Variants in NAA11 observed in about 807,000 individuals in gnomAD.
NAA11 encodes N-alpha-acetyltransferase 11.
NAA11 carries 15 observed loss-of-function variants against 16.1 expected under a neutral mutation model. The ratio of observed to expected loss-of-function variants is 0.93; its 90% CI spans 0.62 to 1.44. The LOEUF is 1.44. NAA11 is among the 40% of genes most tolerant of loss of function. The probability of loss-of-function intolerance (pLI) is 0.00; values close to 1 mark genes in which losing one functional copy is unlikely to be tolerated. For synonymous variants in NAA11, 122 were observed against 112.4 expected (o/e 1.09, Z -0.54); for missense variants, 298 against 291.3 (o/e 1.02, Z -0.17).
the NAA11 span, among the ~76,000 whole-genome samples, chr4:79,186,263 G>C: frequency 1.3e-5 from 2 of 152,220 alleles, no homozygotes; most frequent in South Asian, 4.2e-4. Flanking sequence ...TGGCTATAAT[G>C]GTAATGATAT....
chr4:79,273,958 C>A (rs754380943), intron 2 of NAA11, among the ~76,000 whole-genome samples: 15 of 151,938 alleles, frequency 9.9e-5, no homozygotes, highest in Non-Finnish European at 1.9e-4. Flanking sequence ...CACCAAGAAG[C>A]CAGAGCTTGT....
At chr4:79,247,898 G>A (rs1327282031) in intron 2 of NAA11, among the ~76,000 whole-genome samples, 2 of 152,158 alleles carry the variant, frequency 1.3e-5, no homozygotes, top group Non-Finnish European at 2.9e-5. Context: ...GAGGTGGTAG[G>A]GGCAGAACTC....
At chr4:79,288,396 G>C (rs1722999032) in intron 2 of NAA11, among the ~76,000 whole-genome samples, 1 of 152,168 alleles carries the variant, frequency 6.6e-6, no homozygotes. Flanking sequence ...TGCAAGGTCA[G>C]CAGCATTTGA....
intron 2 of NAA11, among the ~76,000 whole-genome samples, chr4:79,251,260 T>A (rs1490963725): frequency 6.6e-6 from 1 of 152,112 alleles, no homozygotes; most frequent in African/African-American, 2.4e-5. Context: ...ATGAAGAAAA[T>A]GTTGTATATA....
At chr4:79,180,846 A>G in the NAA11 span, among the ~76,000 whole-genome samples, 1 of 152,188 alleles carries the variant, frequency 6.6e-6, no homozygotes, top group East Asian at 1.9e-4. Flanking sequence ...TCCGTCAATG[A>G]TAGACTGGAT....
chr4:79,174,012 G>T, the NAA11 span, among the ~76,000 whole-genome samples: 1 of 152,040 alleles, frequency 6.6e-6, no homozygotes, highest in Admixed American at 6.6e-5. Flanking sequence ...AGACAGTCAG[G>T]GGGAGGGAGA....
In NAA11 at chr4:79,316,869, A is replaced by C. The variant is rs1335528813; in HGVS notation, c.*935T>G. 1 of 152,220 alleles carries C rather than the reference A, an allele frequency of 6.6e-6. No homozygotes were observed. Among genetic ancestry groups the C allele is most frequent in the African/African-American group, 2.4e-5 (1 of 41,446 alleles). 9.4% of individuals were successfully genotyped at this position (152,220 alleles called of 1,614,324 possible). A position where few individuals can be genotyped will look rare whatever the true frequency, so the allele number is the denominator to read the frequency against. ...TATAAATAAAATGCAAAGAGTAGGAACAGAAAAGTAGAAGGAACTTTGGCT... is the reference window on the plus strand; with the variant it reads ...TATAAATAAAATGCAAAGAGTAGGACCAGAAAAGTAGAAGGAACTTTGGCT... On this transcript the variant is annotated 3_prime_UTR_variant, in exon 2 of 2. Transcript: ENST00000286794.
intron 1 of NAA11, among the ~76,000 whole-genome samples, chr4:79,298,340 T>C (rs1189565632): frequency 1.3e-5 from 2 of 152,196 alleles, no homozygotes. Context: ...GCCTGAAACA[T>C]GTCCCTTGCT....
the NAA11 span, among the ~76,000 whole-genome samples, chr4:79,161,819 A>G: frequency 6.6e-6 from 1 of 151,998 alleles, no homozygotes; most frequent in Non-Finnish European, 1.5e-5. Flanking sequence ...AGTAGCTGGG[A>G]CTACTGGCGC....
At chr4:79,265,777 T>A (rs1291019839) in intron 2 of NAA11, among the ~76,000 whole-genome samples, 1 of 152,116 alleles carries the variant, frequency 6.6e-6, no homozygotes, top group Non-Finnish European at 1.5e-5. Flanking sequence ...TTTTTGTTTT[T>A]TGGTGGTTTA....
chr4:79,194,343 G>A, the NAA11 span, among the ~76,000 whole-genome samples: 7 of 152,000 alleles, frequency 4.6e-5, no homozygotes, highest in East Asian at 1.9e-4. Flanking sequence ...ATTTCTCAGC[G>A]CACTGACACT....
the NAA11 span, among the ~76,000 whole-genome samples, chr4:79,199,686 A>G: frequency 1.7e-4 from 26 of 151,952 alleles, no homozygotes; most frequent in African/African-American, 2.7e-4. Context: ...AAATAAGAGC[A>G]TACAAAAAAG....
downstream of NAA11, among the ~76,000 whole-genome samples, chr4:79,223,346 G>T (rs907245961): frequency 1.3e-5 from 2 of 149,416 alleles, no homozygotes; most frequent in African/African-American, 4.9e-5. Context: ...TCCTTTGTAG[G>T]GACATGGATG....
At position 79,325,241 on chromosome 4, in the gene NAA11, C is replaced by T. The variant is rs1189496650; in HGVS notation, c.637G>A (p.Val213Met). 1.9e-6 allele frequency: 3 copies of T among 1,613,610 alleles called. No homozygotes were observed. Among genetic ancestry groups the T allele is most frequent in the South Asian group, 1.1e-5 (1 of 90,962 alleles). Residue 213 changes from valine to methionine, a missense_variant, in exon 1 of 2, where the codon GTG (valine) becomes ATG (methionine). Val to Met is a conservative substitution (Grantham distance 21). Coordinates refer to ENST00000286794, the MANE Select transcript of NAA11 (RefSeq NM_032693.3). ...CTGTCCTGGACGTTGGTGCTCTCCA[C>T]AGACTCCTTAGGTTCTTTGCTGTCA... ...GSDSKEPKES[V>M]ESTNVQDSSE... is the part of the protein sequence containing the mutation.
rs566068764 is a variant in NAA11 at position 79,253,018 on chromosome 4, AAGT to A, written c.*123-26751_*123-26749del. On this transcript the variant is annotated intron_variant and NMD_transcript_variant, in intron 2 of 2. Coordinates refer to the NAA11 transcript ENST00000511542. ...GAGGTGATAATGGCTGGGATCAGGG[AAGT>A]AGTAGTAGAAGTGGTGAGAAGTAGC... is the stretch of plus-strand genomic sequence containing the variant. Among the ~76,000 whole-genome samples, 18 of 152,268 alleles carry A rather than the reference AAGT, an allele frequency of 1.2e-4. No homozygotes were observed. In the South Asian group the frequency reaches 3.5e-3, roughly 30 times the overall value.
intron 1 of NAA11, among the ~76,000 whole-genome samples, chr4:79,303,076 T>TTATATATATATATATATATATATA (rs59261096): frequency 4.4e-5 from 3 of 67,524 alleles, no homozygotes; most frequent in Admixed American, 1.7e-4. Context: ...TTGAGGCCTT[T>TTATATATATATATATATATATATA]TATATATATA....
chr4:79,325,823 G>A lies in NAA11; in HGVS notation c.55C>T (p.Leu19Phe), dbSNP rs17003712. ...DDLMNMQHCN[L>F]LCLPENYQMK... ...TGGTAGTTCTCAGGAAGGCAAAGGA[G>A]GTTGCAGTGTTGCATATTCATCAGG... The change falls in exon 1 of 2, where the codon CTC becomes TTC. Residue 19 changes from leucine (L) to phenylalanine (F), a missense_variant. Physicochemically the swap from Leu to Phe is conservative, Grantham distance 22 (BLOSUM62 0). Coordinates refer to ENST00000286794, the MANE Select transcript of NAA11 (RefSeq NM_032693.3). The A allele has an allele frequency of 2.1e-3, 3,333 of 1,614,074 alleles. 71 individuals carry two copies. The African/African-American group carries it at 0.04, about 20-fold the overall frequency.
chr4:79,168,034 C>G, the NAA11 span, among the ~76,000 whole-genome samples: 1 of 151,954 alleles, frequency 6.6e-6, no homozygotes, highest in Admixed American at 6.6e-5. Flanking sequence ...CCCTACCCCC[C>G]AACAGGCCCT....
chr4:79,221,236 C>G (rs1269720475), downstream of NAA11, among the ~76,000 whole-genome samples: 2 of 151,898 alleles, frequency 1.3e-5, no homozygotes, highest in Non-Finnish European at 2.9e-5. Flanking sequence ...TATCCTGAGA[C>G]TTTGCTGAAG....
Sources: gnomAD v4.1 joint callset for allele counts (sites outside exome capture counted in the v4.1 genomes callset) on GRCh38, gnomAD v4.1.1 for gene constraint, MANE v1.5 for transcripts, NCBI Gene and HGNC (gene_info 2026-07-23, HGNC 2026-07-21) for gene names.